NAALADL2: variants seen among roughly 807,000 people sequenced by gnomAD.
The protein encoded by NAALADL2 is N-acetylated alpha-linked acidic dipeptidase like 2, also known as inactive N-acetylated-alpha-linked acidic dipeptidase-like protein 2.
Under a neutral mutation model 87.2 loss-of-function variants are expected in NAALADL2, and 76 were observed. That is an observed-to-expected ratio of 0.87 (90% CI 0.72 to 1.05). The LOEUF (loss-of-function observed/expected upper bound fraction) is 1.05. Ranked by LOEUF, NAALADL2 falls within the 50% of genes least tolerant of loss-of-function variation. The pLI is 0.00. For missense variants in NAALADL2, 1,089 were observed against 945.8 expected (o/e 1.15, Z -1.99); for synonymous variants, 354 against 331.0 (o/e 1.07, Z -0.75).
intron 9 of NAALADL2, among the ~76,000 whole-genome samples, chr3:175,551,584 A>G (rs60875763): frequency 0.059 from 9,036 of 152,198 alleles, 643 homozygotes; most frequent in African/African-American, 0.17. Flanking sequence ...TCTCCACTGT[A>G]CCACTTTGTA....
chr3:175,640,425 G>T (rs1279347143), intron 11 of NAALADL2, among the ~76,000 whole-genome samples: 5 of 152,082 alleles, frequency 3.3e-5, no homozygotes, highest in African/African-American at 1.2e-4. Flanking sequence ...AATATTTATT[G>T]ATGATATATG....
At chr3:175,703,115 G>C (rs1391447717) in intron 11 of NAALADL2, among the ~76,000 whole-genome samples, 1 of 152,018 alleles carries the variant, frequency 6.6e-6, no homozygotes, top group Non-Finnish European at 1.5e-5. Flanking sequence ...TCTCATCTGG[G>C]GTTAGAATAA....
intron 3 of NAALADL2, among the ~76,000 whole-genome samples, chr3:174,853,559 C>T (rs1289755643): frequency 6.6e-6 from 1 of 151,934 alleles, no homozygotes; most frequent in Non-Finnish European, 1.5e-5. Flanking sequence ...TAAAAACCTT[C>T]TGCAGAGTGA....
intron 1 of NAALADL2, among the ~76,000 whole-genome samples, chr3:175,024,175 G>A (rs4458378): frequency 0.32 from 47,876 of 151,748 alleles, 9,859 homozygotes; most frequent in African/African-American, 0.58. Context: ...TGTAAACCAC[G>A]GGACACTTTA....
intron 1 of NAALADL2, among the ~76,000 whole-genome samples, chr3:174,473,529 A>G (rs1351735623): frequency 1.3e-5 from 2 of 152,242 alleles, no homozygotes; most frequent in Middle Eastern, 6.8e-3. Context: ...CCCTTTCATG[A>G]TTACTGTTTA....
chr3:174,858,203 TATATGA>T (rs1356182325), upstream of NAALADL2, among the ~76,000 whole-genome samples: 33 of 148,340 alleles, frequency 2.2e-4, no homozygotes, highest in African/African-American at 8.1e-4. Context: ...AATATTAATA[TATATGA>T]ATATGAATAT....
rs114919207 is a variant in NAALADL2 at position 175,602,471 on chromosome 3, G to C, written c.1801-24820G>C. Among the ~76,000 whole-genome samples the C allele has an allele frequency of 2.9e-3, 329 of 112,328 alleles. 2 individuals are homozygous for C. The highest frequency in any genetic ancestry group is 8.9e-3 in the African/African-American group (307 of 34,684). The allele number at this position is 112,328 out of a possible 152,430, so 73.7% of individuals were successfully genotyped here. On this transcript the variant is annotated intron_variant, in intron 10 of 13. Coordinates refer to ENST00000454872, the MANE Select transcript of NAALADL2 (RefSeq NM_207015.3). ...GTATGTGTGTATCTATATATATAGA[G>C]AGAGAGAGAGCGAGCTAAATATAAT...
At chr3:174,829,533 G>A (rs1385060009) in intron 3 of NAALADL2, among the ~76,000 whole-genome samples, 1 of 136,224 alleles carries the variant, frequency 7.3e-6, no homozygotes, top group East Asian at 2.1e-4. Flanking sequence ...CATTTGGGTT[G>A]GTTCCAAGTC....
intron 2 of NAALADL2, among the ~76,000 whole-genome samples, chr3:174,718,943 T>C (rs1731455594): frequency 1.3e-5 from 2 of 152,194 alleles, no homozygotes; most frequent in South Asian, 4.1e-4. Flanking sequence ...TTTTTCCTTA[T>C]CCTTTAAAAC....
intron 2 of NAALADL2, among the ~76,000 whole-genome samples, chr3:174,723,118 T>C (rs947444484): frequency 2.0e-5 from 3 of 152,210 alleles, no homozygotes; most frequent in African/African-American, 7.2e-5. Context: ...CATTATCTTC[T>C]GATTTTATGT....
At chr3:174,564,738 C>T (rs981117949) in intron 2 of NAALADL2, among the ~76,000 whole-genome samples, 2 of 152,012 alleles carry the variant, frequency 1.3e-5, no homozygotes, top group Non-Finnish European at 2.9e-5. Context: ...TTTATTATAA[C>T]AAAATTGTCC....
intron 2 of NAALADL2, among the ~76,000 whole-genome samples, chr3:174,657,257 G>A (rs1431323257): frequency 6.6e-6 from 1 of 151,700 alleles, no homozygotes; most frequent in Non-Finnish European, 1.5e-5. Context: ...CGAACTCCTG[G>A]GATCCTCAGC....
chr3:174,750,193 T>A (rs1307981904), intron 3 of NAALADL2, among the ~76,000 whole-genome samples: 1 of 152,172 alleles, frequency 6.6e-6, no homozygotes, highest in Non-Finnish European at 1.5e-5. Context: ...ATCACTGCTA[T>A]TTATAAAAGA....
At chr3:174,713,463 C>T (rs1420592003) in intron 2 of NAALADL2, among the ~76,000 whole-genome samples, 1 of 151,616 alleles carries the variant, frequency 6.6e-6, no homozygotes, top group Admixed American at 6.6e-5. Flanking sequence ...TCTCCAGCAC[C>T]TGTTGTTTCC....
rs1753351043 is a variant in NAALADL2, at chr3:175,035,906, C to T, written c.44-60884C>T. On this transcript the variant is annotated intron_variant, in intron 1 of 13. Coordinates refer to ENST00000454872, the MANE Select transcript of NAALADL2 (RefSeq NM_207015.3). The stretch of plus-strand genomic sequence containing the variant: ...CCCGATATGACTAAATTTTAAGAAA[C>T]TGCCTGTTCTCTTCTGGCATAAGAT... 2.6e-5 allele frequency among the ~76,000 whole-genome samples: 4 copies of T among 152,128 alleles called. 1 individual carries two copies. The South Asian group carries it at 8.3e-4, about 31-fold the overall frequency.
At chr3:175,709,038 G>A (rs1320639844) in intron 11 of NAALADL2, among the ~76,000 whole-genome samples, 1 of 151,988 alleles carries the variant, frequency 6.6e-6, no homozygotes, top group African/African-American at 2.4e-5. Flanking sequence ...GCTATTGAGA[G>A]TTGGGTTCTT....
chr3:174,898,558 T>C (rs1416382244), intron 1 of NAALADL2, among the ~76,000 whole-genome samples: 1 of 152,078 alleles, frequency 6.6e-6, no homozygotes, highest in Admixed American at 6.6e-5. Flanking sequence ...GACATGCTAT[T>C]CTCCATGATG....
chr3:175,291,644 A>C, intron 4 of NAALADL2, among the ~76,000 whole-genome samples: 1 of 152,198 alleles, frequency 6.6e-6, no homozygotes, highest in East Asian at 1.9e-4. Context: ...GCAGCTTTGG[A>C]AATGTAACAT....
At chr3:175,676,137 A>C (rs1734743724) in intron 11 of NAALADL2, 1 of 152,082 alleles carries the variant, frequency 6.6e-6, no homozygotes, top group Non-Finnish European at 1.5e-5. Context: ...TCACACACTA[A>C]ATCAAGTCTC....
Sources: gnomAD v4.1 joint callset for allele counts (sites outside exome capture counted in the v4.1 genomes callset) on GRCh38, gnomAD v4.1.1 for gene constraint, MANE v1.5 for transcripts, NCBI Gene and HGNC (gene_info 2026-07-23, HGNC 2026-07-21) for gene names.